FRMD4B: variants seen among roughly 807,000 people sequenced by gnomAD.
FRMD4B encodes FERM domain containing 4B, also known as FERM domain-containing protein 4B.
In FRMD4B, 74 loss-of-function variants were observed where a neutral mutation model predicts 141.5. That is an observed-to-expected ratio of 0.52 (90% confidence interval 0.43 to 0.63). The LOEUF (loss-of-function observed/expected upper bound fraction) is 0.63. FRMD4B is among the 30% of genes least tolerant of loss of function. The pLI is 0.00. For synonymous variants in FRMD4B, 506 were observed against 467.9 expected (o/e 1.08, Z -1.05); for missense variants, 1,366 against 1,253.4 (o/e 1.09, Z -1.36).
chr3:69,429,561 T>C (rs2106830831), intron 2 of FRMD4B, among the ~76,000 whole-genome samples: 1 of 152,288 alleles, frequency 6.6e-6, no homozygotes, highest in Middle Eastern at 3.4e-3. Flanking sequence ...ACTCATTGTA[T>C]ACATGTATCA....
chr3:69,496,551 T>A (rs1706391227), intron 1 of FRMD4B, among the ~76,000 whole-genome samples: 1 of 150,198 alleles, frequency 6.7e-6, no homozygotes, highest in Non-Finnish European at 1.5e-5. Context: ...TGGACAATCA[T>A]CTTTCTTAAG....
chr3:69,265,726 C>G (rs542904033), intron 5 of FRMD4B, among the ~76,000 whole-genome samples: 2 of 152,028 alleles, frequency 1.3e-5, no homozygotes, highest in East Asian at 2.0e-4. Flanking sequence ...TGATTACAGG[C>G]GTGAGCCACA....
intron 18 of FRMD4B, 77 bp from the exon 19 acceptor site, chr3:69,187,994 A>G (rs546305019): frequency 2.6e-6 from 2 of 766,336 alleles, no homozygotes; most frequent in Non-Finnish European, 4.4e-6. Context: ...CAATACCTCA[A>G]AAAAGAAATT....
chr3:69,256,171 A>T (rs946502743), intron 5 of FRMD4B, among the ~76,000 whole-genome samples: 1 of 152,204 alleles, frequency 6.6e-6, no homozygotes, highest in East Asian at 1.9e-4. Context: ...TTTACTGCCA[A>T]GCCAACAAAC....
At chr3:69,371,389 C>T (rs1349134301) in intron 1 of FRMD4B, among the ~76,000 whole-genome samples, 2 of 152,162 alleles carry the variant, frequency 1.3e-5, no homozygotes, top group Admixed American at 6.5e-5. Context: ...AGAAGGAATA[C>T]TGATCACACA....
intron 1 of FRMD4B, among the ~76,000 whole-genome samples, chr3:69,498,108 A>G (rs181331878): frequency 6.6e-6 from 1 of 152,314 alleles, no homozygotes. Context: ...GAAGTGGGAT[A>G]GCCATTTTTC....
intron 2 of FRMD4B, among the ~76,000 whole-genome samples, chr3:69,414,668 T>C (rs1704820918): frequency 6.6e-6 from 1 of 152,126 alleles, no homozygotes; most frequent in Non-Finnish European, 1.5e-5. Flanking sequence ...TTCGAGGGGC[T>C]GCATTTCAAC....
At chr3:69,491,980 C>T (rs913279995) in intron 1 of FRMD4B, among the ~76,000 whole-genome samples, 2 of 152,224 alleles carry the variant, frequency 1.3e-5, no homozygotes, top group Non-Finnish European at 2.9e-5. Context: ...CTTCCCCCTC[C>T]TCCGCCGTAC....
chr3:69,537,146 C>A (rs974393758), intron 1 of FRMD4B, among the ~76,000 whole-genome samples: 2 of 152,148 alleles, frequency 1.3e-5, no homozygotes, highest in African/African-American at 4.8e-5. Flanking sequence ...CATAATTTAT[C>A]GTCCAAACTG....
chr3:69,190,027 C>T lies in FRMD4B; in HGVS notation c.1715-75G>A, dbSNP rs139453176. On this transcript the variant is annotated intron_variant, in intron 17 of 22. Coordinates refer to ENST00000398540, the MANE Select transcript of FRMD4B (RefSeq NM_015123.3). ...AGAGGGGTCTTAGATAAACAATTTT[C>T]AATGGAATGCATTTTCATTTAAATA... The T allele has an allele frequency of 3.5e-4, 268 of 761,750 alleles. 1 individual carries two copies. The African/African-American group carries it at 3.7e-3, about 11-fold the overall frequency. 47.2% of individuals were successfully genotyped at this position (761,750 alleles called of 1,614,324 possible). A position where few individuals can be genotyped will look rare whatever the true frequency, so the allele number is the denominator to read the frequency against.
At chr3:69,477,606 C>G (rs1248882020) in intron 1 of FRMD4B, among the ~76,000 whole-genome samples, 5 of 151,910 alleles carry the variant, frequency 3.3e-5, no homozygotes, top group Non-Finnish European at 5.9e-5. Flanking sequence ...TTTGGTTTGC[C>G]AGTATTTTAT....
intron 1 of FRMD4B, among the ~76,000 whole-genome samples, chr3:69,341,477 A>G (rs1312681369): frequency 6.6e-6 from 1 of 152,246 alleles, no homozygotes; most frequent in African/African-American, 2.4e-5. Flanking sequence ...GAGAAACAGT[A>G]TAAATGGCTG....
intron 1 of FRMD4B, among the ~76,000 whole-genome samples, chr3:69,467,724 G>T (rs757564538): frequency 1.5e-4 from 23 of 152,148 alleles, no homozygotes; most frequent in Non-Finnish European, 2.8e-4. Flanking sequence ...CCCAACTCCA[G>T]AAGAAGAATA....
At chr3:69,444,880 A>G (rs1705388683) in intron 1 of FRMD4B, among the ~76,000 whole-genome samples, 1 of 152,234 alleles carries the variant, frequency 6.6e-6, no homozygotes, top group Admixed American at 6.5e-5. Context: ...AGATGTAAAT[A>G]GCCCAAGGAT....
At chr3:69,330,315 C>A (rs1702323187) in intron 1 of FRMD4B, among the ~76,000 whole-genome samples, 1 of 129,894 alleles carries the variant, frequency 7.7e-6, no homozygotes, top group African/African-American at 3.0e-5. Context: ...TCAAGGTATA[C>A]AACATTATAT....
intron 1 of FRMD4B, among the ~76,000 whole-genome samples, chr3:69,476,455 T>C (rs1167759063): frequency 2.0e-5 from 3 of 152,212 alleles, no homozygotes; most frequent in Non-Finnish European, 4.4e-5. Flanking sequence ...ATTTATTAAA[T>C]AAGGAATCCT....
chr3:69,247,722 C>T (rs922669435), intron 7 of FRMD4B, among the ~76,000 whole-genome samples: 2 of 152,290 alleles, frequency 1.3e-5, no homozygotes, highest in South Asian at 2.1e-4. Context: ...TATCTCGGCT[C>T]ACTGCAAGCT....
At chr3:69,282,481 A>C (rs1258917290) in intron 5 of FRMD4B, among the ~76,000 whole-genome samples, 1 of 152,164 alleles carries the variant, frequency 6.6e-6, no homozygotes, top group Non-Finnish European at 1.5e-5. Flanking sequence ...TGTTCTCATA[A>C]AACTTATTTG....
At chr3:69,344,422 T>C (rs79864041) in intron 1 of FRMD4B, among the ~76,000 whole-genome samples, 2 of 152,330 alleles carry the variant, frequency 1.3e-5, no homozygotes, top group East Asian at 3.9e-4. Flanking sequence ...CAGATAGAGC[T>C]GTAATATATT....
Sources: allele counts gnomAD v4.1 joint callset (sites outside exome capture counted in the v4.1 genomes callset), GRCh38; gene constraint gnomAD v4.1.1; transcripts MANE v1.5; gene names NCBI Gene and HGNC (gene_info 2026-07-23, HGNC 2026-07-21).